Variants in MYT1L observed in about 807,000 individuals in gnomAD.
MYT1L encodes the protein myelin transcription factor 1 like, also known as myelin transcription factor 1-like protein.
A neutral mutation model predicts 126.7 loss-of-function variants in MYT1L; 12 were observed. The observed-to-expected ratio is 0.09, with a 90% CI of 0.06 to 0.15. The LOEUF is 0.15. MYT1L is among the 10% of genes least tolerant of loss of function. MYT1L has a pLI of 1.00. For missense variants in MYT1L, 979 were observed against 1,585.2 expected (o/e 0.62, Z 6.49); for synonymous variants, 541 against 604.2 (o/e 0.90, Z 1.53).
At chr2:2,087,097 C>A (rs1007002016) in intron 3 of MYT1L, among the ~76,000 whole-genome samples, 3 of 152,208 alleles carry the variant, frequency 2.0e-5, no homozygotes, top group Non-Finnish European at 4.4e-5. Flanking sequence ...CAGGATTCCA[C>A]ACGTAACTCC....
At chr2:1,932,520 C>T (rs2055147234) in intron 9 of MYT1L, among the ~76,000 whole-genome samples, 1 of 152,154 alleles carries the variant, frequency 6.6e-6, no homozygotes, top group South Asian at 2.1e-4. Context: ...GAAACAGAAT[C>T]CTTGTAGTCA....
Position 2,228,731 on chromosome 2 carries a change from A to C in MYT1L, c.-421+55673T>G, listed in dbSNP as rs1475002896. The stretch of plus-strand genomic sequence containing the variant: ...CTTAATATTACAGAGAAGAGCTATA[A>C]ATACACTATTTCATGTTCCCCCAAA... On this transcript the variant is annotated intron_variant, in intron 2 of 24. Transcript: ENST00000647738. This position sits in a 1 kb window ranked among gnomAD's most constrained non-coding sequence, Gnocchi z 5.9. 6.6e-6 allele frequency among the ~76,000 whole-genome samples: 1 copy of C among 152,150 alleles called. No homozygotes were observed. The highest frequency in any genetic ancestry group is 1.5e-5 in the Non-Finnish European group (1 of 68,024).
chr2:2,303,695 C>A (rs2095818799), intron 1 of MYT1L: 2 of 152,358 alleles, frequency 1.3e-5, no homozygotes, highest in South Asian at 2.1e-4. Context: ...CCACAGAAAC[C>A]AAGAGGAGAC....
At chr2:1,916,366 C>T (rs1002254734) in intron 11 of MYT1L, among the ~76,000 whole-genome samples, 1 of 152,150 alleles carries the variant, frequency 6.6e-6, no homozygotes, top group Non-Finnish European at 1.5e-5. Flanking sequence ...ATGTTCCCCA[C>T]TAGAAACTGT....
intron 3 of MYT1L, among the ~76,000 whole-genome samples, chr2:2,172,641 G>A (rs574669576): frequency 7.0e-6 from 1 of 143,130 alleles, no homozygotes; most frequent in East Asian, 2.1e-4. Flanking sequence ...TGCACTCTGT[G>A]GCCAGGAGCC....
chr2:2,067,748 A>T (rs1431199818), intron 3 of MYT1L, among the ~76,000 whole-genome samples: 1 of 152,196 alleles, frequency 6.6e-6, no homozygotes, highest in Non-Finnish European at 1.5e-5. Flanking sequence ...CATCTTAAGG[A>T]AAGTGGAAGG....
intron 2 of MYT1L, among the ~76,000 whole-genome samples, chr2:2,199,762 T>G: frequency 6.6e-6 from 1 of 152,164 alleles, no homozygotes. Flanking sequence ...TTCTTCCTCT[T>G]TCCTCCAAGG....
intron 4 of MYT1L, among the ~76,000 whole-genome samples, chr2:2,013,655 G>A (rs2064060885): frequency 1.3e-5 from 2 of 152,360 alleles, no homozygotes; most frequent in South Asian, 2.1e-4. Context: ...TCTGCAGATC[G>A]GGGACATGCT....
intron 1 of MYT1L, among the ~76,000 whole-genome samples, chr2:2,314,362 A>T (rs1245854094): frequency 6.6e-6 from 1 of 152,210 alleles, no homozygotes; most frequent in Non-Finnish European, 1.5e-5. Context: ...TTAAATAATG[A>T]CCATTCAGAA....
chr2:2,077,100 A>T (rs1323681292), intron 3 of MYT1L, among the ~76,000 whole-genome samples: 1 of 152,168 alleles, frequency 6.6e-6, no homozygotes, highest in African/African-American at 2.4e-5. Context: ...TTTGACCCTT[A>T]AGAACAAAGA....
chr2:2,111,397 G>A (rs1227197518), intron 3 of MYT1L, among the ~76,000 whole-genome samples: 3 of 152,302 alleles, frequency 2.0e-5, no homozygotes, highest in South Asian at 2.1e-4. Context: ...AGAGATGGAC[G>A]AGAGGGAAGT....
chr2:1,890,214 T>C (rs896118519), intron 15 of MYT1L, among the ~76,000 whole-genome samples: 46 of 152,100 alleles, frequency 3.0e-4, no homozygotes, highest in Non-Finnish European at 4.1e-4. Context: ...GGACTGCAGG[T>C]TTGCACCACC....
At chr2:1,969,291 G>C (rs1201497360) in intron 8 of MYT1L, among the ~76,000 whole-genome samples, 1 of 152,216 alleles carries the variant, frequency 6.6e-6, no homozygotes, top group African/African-American at 2.4e-5. Context: ...TGAGCTGCAG[G>C]CAGAATGCGT....
chr2:2,276,810 T>C (rs1202546078), intron 2 of MYT1L, among the ~76,000 whole-genome samples: 1 of 152,058 alleles, frequency 6.6e-6, no homozygotes, highest in African/African-American at 2.4e-5. Flanking sequence ...CTTGCCTCCA[T>C]ATCAGATGCT....
chr2:2,310,352 T>C (rs1156533062), intron 1 of MYT1L, among the ~76,000 whole-genome samples: 1 of 151,912 alleles, frequency 6.6e-6, no homozygotes, highest in Non-Finnish European at 1.5e-5. Flanking sequence ...CATACTCCAC[T>C]TACACTTCAG....
intron 4 of MYT1L, among the ~76,000 whole-genome samples, chr2:2,008,957 T>C (rs898309587): frequency 6.6e-6 from 1 of 152,228 alleles, no homozygotes; most frequent in Admixed American, 6.5e-5. Flanking sequence ...CCCCATTGTG[T>C]CCTCTTGGTG....
intron 11 of MYT1L, among the ~76,000 whole-genome samples, chr2:1,914,911 T>A (rs1180374650): frequency 6.6e-6 from 1 of 152,228 alleles, no homozygotes; most frequent in East Asian, 1.9e-4. Flanking sequence ...TGTGGGTTCC[T>A]CGCCTCTCAC....
intron 3 of MYT1L, among the ~76,000 whole-genome samples, chr2:2,109,807 C>T (rs181227380): frequency 1.2e-3 from 173 of 146,338 alleles, no homozygotes; most frequent in Non-Finnish European, 1.8e-3. Context: ...TGCACATGCA[C>T]ACAAAGAAAA....
At chr2:1,871,378 A>G (rs2046268962) in intron 18 of MYT1L, among the ~76,000 whole-genome samples, 1 of 152,340 alleles carries the variant, frequency 6.6e-6, no homozygotes, top group South Asian at 2.1e-4. Context: ...GGCCCCTCCT[A>G]TCTCTGCTCC....
Sources: gnomAD v4.1 joint callset for allele counts (sites outside exome capture counted in the v4.1 genomes callset) on GRCh38, gnomAD v4.1.1 for gene constraint, Gnocchi (gnomAD v3.1) non-coding constraint, MANE v1.5 for transcripts, NCBI Gene and HGNC (gene_info 2026-07-23, HGNC 2026-07-21) for gene names.